Variants in RPH3A observed in about 807,000 individuals in gnomAD.
RPH3A encodes rabphilin-3A.
RPH3A carries 48 observed loss-of-function variants against 102.2 expected under a neutral mutation model. The observed-to-expected ratio is 0.47, with a 90% CI of 0.37 to 0.60. The LOEUF (loss-of-function observed/expected upper bound fraction) is 0.60. Ranked by LOEUF, RPH3A falls within the 20% of genes least tolerant of loss-of-function variation. The probability of loss-of-function intolerance (pLI) is 0.00; values close to 1 mark genes in which losing one functional copy is unlikely to be tolerated. For missense variants in RPH3A, 781 were observed against 910.1 expected (o/e 0.86, Z 1.83); for synonymous variants, 310 against 324.3 (o/e 0.96, Z 0.47).
intron 1 of RPH3A, among the ~76,000 whole-genome samples, chr12:112,656,513 G>A (rs1283127950): frequency 6.6e-6 from 1 of 152,076 alleles, no homozygotes; most frequent in Non-Finnish European, 1.5e-5. Flanking sequence ...CATTGTATCC[G>A]TAACCCAAAT....
chr12:112,857,008 G>T (rs1339698019), intron 5 of RPH3A, among the ~76,000 whole-genome samples: 1 of 151,988 alleles, frequency 6.6e-6, no homozygotes, highest in African/African-American at 2.4e-5. Context: ...CGTCATAACT[G>T]CTTCCTACTA....
Position 112,883,302 on chromosome 12 carries a change from C to T in RPH3A, c.1336C>T (p.Leu446Phe). 6.2e-7 allele frequency: 1 copy of T among 1,613,982 alleles called. No individual in the cohort carries two copies. Among genetic ancestry groups the T allele is most frequent in the Non-Finnish European group, 8.5e-7 (1 of 1,179,870 alleles). The change falls in exon 16 of 22, where the codon CTT (leucine) becomes TTT (phenylalanine). Residue 446 changes from leucine (L) to phenylalanine (F), a missense_variant. By Grantham distance (22) the Leu-to-Phe change is conservative. Around this residue, in one of 2 missense-constraint regions of RPH3A, gnomAD observed 730 missense variants for 810.0 expected, o/e 0.90. Coordinates refer to ENST00000389385, the MANE Select transcript of RPH3A (RefSeq NM_001143854.2). ...LLPGASKSNK[L>F]RTKTLRNTRN... ...CTCTCTCGGGCTCTAGTCCAACAAG[C>T]TTCGTACAAAAACTCTGCGGAATAC...
intron 19 of RPH3A, 110 bp downstream of exon 19, chr12:112,891,113 G>T: frequency 7.7e-7 from 1 of 1,302,078 alleles, no homozygotes. Flanking sequence ...ACCCAGAGAG[G>T]GCAAGGAACC....
intron 1 of RPH3A, among the ~76,000 whole-genome samples, chr12:112,786,216 C>T (rs1207792604): frequency 6.6e-6 from 1 of 152,124 alleles, no homozygotes; most frequent in African/African-American, 2.4e-5. Flanking sequence ...ATAAATAAAA[C>T]TTGTTGACTT....
intron 1 of RPH3A, among the ~76,000 whole-genome samples, chr12:112,587,885 T>C (rs956708527): frequency 2.6e-5 from 4 of 152,180 alleles, no homozygotes; most frequent in Admixed American, 2.0e-4. Context: ...AGCACCTCAC[T>C]CACTGTGAGC....
chr12:112,628,528 G>T (rs1378726553), intron 1 of RPH3A, among the ~76,000 whole-genome samples: 1 of 127,560 alleles, frequency 7.8e-6, no homozygotes, highest in Non-Finnish European at 1.6e-5. Context: ...CCAGGAGTTG[G>T]AGACTAGTCT....
At chr12:112,733,297 T>C (rs2040646644) in intron 1 of RPH3A, among the ~76,000 whole-genome samples, 1 of 152,152 alleles carries the variant, frequency 6.6e-6, no homozygotes, top group Non-Finnish European at 1.5e-5. Flanking sequence ...ACACCCATAC[T>C]GGCACGCACA....
At chr12:112,723,529 T>C (rs959358344) in intron 1 of RPH3A, among the ~76,000 whole-genome samples, 1 of 152,256 alleles carries the variant, frequency 6.6e-6, no homozygotes, top group African/African-American at 2.4e-5. Context: ...TTTCTTGTAA[T>C]GCCATGACCT....
intron 1 of RPH3A, among the ~76,000 whole-genome samples, chr12:112,632,303 C>T (rs1404482071): frequency 6.6e-6 from 1 of 152,174 alleles, no homozygotes; most frequent in Non-Finnish European, 1.5e-5. Flanking sequence ...TGAAAACGGA[C>T]TCATACAGTG....
intron 13 of RPH3A, among the ~76,000 whole-genome samples, chr12:112,878,488 A>G (rs1310088711): frequency 4.6e-5 from 7 of 152,242 alleles, no homozygotes; most frequent in African/African-American, 1.2e-4. Flanking sequence ...TGGAAAAAAA[A>G]AGATAGACAT....
intron 1 of RPH3A, chr12:112,617,636 T>C (rs1403397893): frequency 6.6e-6 from 1 of 152,240 alleles, no homozygotes; most frequent in Non-Finnish European, 1.5e-5. Flanking sequence ...TTAATTGCAA[T>C]GCAGAGGAGG....
At chr12:112,589,703 C>T (rs11832547) in intron 1 of RPH3A, among the ~76,000 whole-genome samples, 5,446 of 152,322 alleles carry the variant, frequency 0.036, 201 homozygotes, top group South Asian at 0.22. Flanking sequence ...GTCTCCCCTG[C>T]CCCTGCACCA....
rs1474570919 is a variant in RPH3A, at chr12:112,634,359, A to C, written c.-140+59040A>C. ...CGAGACTCCGTCTCAAAAACAAAAA[A>C]AAAACAAAACAAAAAAACAAACAAA... On this transcript the variant is annotated intron_variant, in intron 1 of 21. Coordinates refer to the RPH3A transcript ENST00000543106. 1.5e-4 allele frequency among the ~76,000 whole-genome samples: 6 copies of C among 38,958 alleles called. 3 individuals carry two copies. Among genetic ancestry groups the C allele is most frequent in the Non-Finnish European group, 2.7e-4 (6 of 22,586 alleles). 25.6% of individuals were successfully genotyped at this position (38,958 alleles called of 152,430 possible).
intron 1 of RPH3A, among the ~76,000 whole-genome samples, chr12:112,755,298 T>TATACACACACAC (rs1489083022): frequency 6.9e-6 from 1 of 145,778 alleles, no homozygotes; most frequent in African/African-American, 2.6e-5. Flanking sequence ...TATATGTATA[T>TATACACACACAC]ACACACACAC....
intron 1 of RPH3A, among the ~76,000 whole-genome samples, chr12:112,667,705 AGAGAGAGAGAGAGAG>A (rs1234014893): frequency 7.6e-5 from 11 of 144,320 alleles, no homozygotes; most frequent in African/African-American, 2.3e-4. Flanking sequence ...AGAGAGAGAG[AGAGAGAGAGAGAGAG>A]AAATTACTGG....
intron 1 of RPH3A, among the ~76,000 whole-genome samples, chr12:112,590,724 TA>T (rs2039470776): frequency 6.6e-6 from 1 of 152,266 alleles, no homozygotes; most frequent in South Asian, 2.1e-4. Context: ...AAGTCTCATG[TA>T]AAATTCCAGA....
chr12:112,860,350 G>A (rs57529790), intron 5 of RPH3A, among the ~76,000 whole-genome samples: 1 of 152,194 alleles, frequency 6.6e-6, no homozygotes, highest in Non-Finnish European at 1.5e-5. Context: ...CCTGAGCTGA[G>A]ACATCTGAGT....
rs1565882498 is a variant in RPH3A at position 112,791,903 on chromosome 12, A to AGAGAGAGAGAGAGAGAGG, written c.-247_-246insGAGAGAGAGAGAGAGGGA. ...GAGAGAGAGAGAGAGAGAGAGAGAG[A>AGAGAGAGAGAGAGAGAGG]GACTCACAGAGCTAAAACCTTCATC... On this transcript the variant is annotated 5_prime_UTR_variant, in exon 1 of 22. Transcript: ENST00000389385. The AGAGAGAGAGAGAGAGAGG allele has an allele frequency of 4.0e-5, 6 of 150,206 alleles. No individual in the cohort carries two copies. The highest frequency in any genetic ancestry group is 1.3e-4 in the Admixed American group (2 of 15,116). 9.3% of individuals were successfully genotyped at this position (150,206 alleles called of 1,614,324 possible).
At chr12:112,604,240 C>A (rs1236752359) in intron 1 of RPH3A, among the ~76,000 whole-genome samples, 2 of 152,186 alleles carry the variant, frequency 1.3e-5, no homozygotes, top group Non-Finnish European at 2.9e-5. Context: ...GTTGCTATAA[C>A]TTTTCAATTT....
Sources: allele counts gnomAD v4.1 joint callset (sites outside exome capture counted in the v4.1 genomes callset), GRCh38; gene constraint gnomAD v4.1.1; regional missense constraint gnomAD v4.1.1; transcripts MANE v1.5; gene names NCBI Gene and HGNC (gene_info 2026-07-23, HGNC 2026-07-21).